NACC2: variants seen among roughly 807,000 people sequenced by gnomAD.
The protein encoded by NACC2 is nucleus accumbens-associated protein 2.
In NACC2, 8 loss-of-function variants were observed where a neutral mutation model predicts 25.1. That is an observed-to-expected ratio of 0.32 (90% CI 0.19 to 0.57). The LOEUF is 0.57. Ranked by LOEUF, NACC2 falls within the 20% of genes least tolerant of loss-of-function variation. NACC2 has a pLI of 0.89. For synonymous variants in NACC2, 435 were observed against 294.7 expected (o/e 1.48, Z -4.88); for missense variants, 644 against 650.2 (o/e 0.99, Z 0.10).
chr9:136,028,345 T>G (rs1050152951), intron 2 of NACC2, among the ~76,000 whole-genome samples: 3 of 151,900 alleles, frequency 2.0e-5, no homozygotes, highest in Non-Finnish European at 4.4e-5. Flanking sequence ...ACATGTACTT[T>G]CTGCCACTTG....
intron 2 of NACC2, among the ~76,000 whole-genome samples, chr9:136,024,470 G>A (rs187823542): frequency 7.9e-6 from 1 of 125,788 alleles, no homozygotes; most frequent in Non-Finnish European, 1.7e-5. Context: ...GAGGACAGAG[G>A]GTGCGTGTGA....
At position 136,019,932 on chromosome 9, in the gene NACC2, G is replaced by C. The variant is rs1355144116; in HGVS notation, c.887-3503C>G. Among the ~76,000 whole-genome samples, 1 of 151,452 alleles carries C rather than the reference G, an allele frequency of 6.6e-6. No homozygotes were observed. Among genetic ancestry groups the C allele is most frequent in the African/African-American group, 2.4e-5 (1 of 41,292 alleles). ...AAGGACACATCCCGGGGCTCCACTC[G>C]CAGGCGGCCCCCAGAGTCGTCAGGT... is the stretch of plus-strand genomic sequence containing the variant. On this transcript the variant is annotated intron_variant, in intron 2 of 5. Coordinates refer to ENST00000277554, the MANE Select transcript of NACC2 (RefSeq NM_144653.5). This position sits in a 1 kb window ranked among gnomAD's most constrained non-coding sequence, Gnocchi z 5.2.
rs1308738953 is a variant in NACC2 at position 136,084,727 on chromosome 9, G to GCA, written c.-60+10460_-60+10461dup. On this transcript the variant is annotated intron_variant, in intron 1 of 5. Transcript: ENST00000277554. This position sits in a 1 kb window ranked among gnomAD's most constrained non-coding sequence, Gnocchi z 5.1. Reference sequence around the variant, plus strand: ...ACAGTCAAAGGAAATGGCGGCGGGCGCACACACACACATACATCACGCAGC... The same window carrying GCA: ...ACAGTCAAAGGAAATGGCGGCGGGCGCACACACACACACATACATCACGCAGC... Among the ~76,000 whole-genome samples the GCA allele has an allele frequency of 2.0e-5, 3 of 152,156 alleles. No homozygotes were observed. Among genetic ancestry groups the GCA allele is most frequent in the Admixed American group, 6.5e-5 (1 of 15,276 alleles).
In NACC2 at chr9:136,018,447, G is replaced by A. The variant is rs1281189108; in HGVS notation, c.887-2018C>T. Among the ~76,000 whole-genome samples, 7 of 152,068 alleles carry A rather than the reference G, an allele frequency of 4.6e-5. No individual in the cohort carries two copies. The highest frequency in any genetic ancestry group is 8.8e-5 in the Non-Finnish European group (6 of 67,992). On this transcript the variant is annotated intron_variant, in intron 2 of 5. Transcript: ENST00000277554. This position sits in a 1 kb window ranked among gnomAD's most constrained non-coding sequence, Gnocchi z 4.4. ...AATCCACAGCGGGCGCCCCACTGAA[G>A]GCAGCAGGTGTTCCACTCCTGAGAA...
At chr9:136,081,077 C>T (rs1171312343) in intron 1 of NACC2, among the ~76,000 whole-genome samples, 3 of 152,082 alleles carry the variant, frequency 2.0e-5, no homozygotes, top group East Asian at 3.9e-4. Flanking sequence ...CGAACGGCTG[C>T]GGGGAGAAGA....
chr9:136,033,626 G>T (rs1368638056), intron 2 of NACC2, among the ~76,000 whole-genome samples: 2 of 145,266 alleles, frequency 1.4e-5, no homozygotes, highest in Non-Finnish European at 3.0e-5. Context: ...TCCAGCCCGG[G>T]GGACAGAGCA....
At chr9:136,094,255 G>A (rs1399128368) in intron 1 of NACC2, among the ~76,000 whole-genome samples, 1 of 152,170 alleles carries the variant, frequency 6.6e-6, no homozygotes, top group Non-Finnish European at 1.5e-5. Context: ...GGGGGTTGGG[G>A]GAGGGAGTGG....
rs1182833926 is a variant in NACC2 at position 136,062,117 on chromosome 9, CAGGACA to C, written c.-59-11543_-59-11538del. Among the ~76,000 whole-genome samples the C allele has an allele frequency of 4.6e-4, 6 of 12,912 alleles. No homozygotes were observed. The Admixed American group carries it at 6.5e-3, about 14-fold the overall frequency. The allele number at this position is 12,912 out of a possible 152,430, so 8.5% of individuals were successfully genotyped here. A position where few individuals can be genotyped will look rare whatever the true frequency, so the allele number is the denominator to read the frequency against. ...CTCCAGCCTGGGCAACAGAGCGAGA[CAGGACA>C]GGACAGGACAGGACAGGACAGGACA... On this transcript the variant is annotated intron_variant, in intron 1 of 5. Transcript: ENST00000277554.
At chr9:136,057,559 T>G (rs190148203) in intron 1 of NACC2, among the ~76,000 whole-genome samples, 3 of 152,348 alleles carry the variant, frequency 2.0e-5, no homozygotes, top group Admixed American at 6.5e-5. Context: ...CTCACCCATA[T>G]TTGTAATTTA....
intron 1 of NACC2, among the ~76,000 whole-genome samples, chr9:136,066,871 A>C (rs1020520247): frequency 1.3e-5 from 2 of 152,186 alleles, no homozygotes; most frequent in Non-Finnish European, 2.9e-5. Context: ...TGTGAAAAAA[A>C]ATGCTGGTCA....
In NACC2 at chr9:136,084,774, C is replaced by T. The variant is rs1352961100; in HGVS notation, c.-60+10415G>A. 6.6e-6 allele frequency among the ~76,000 whole-genome samples: 1 copy of T among 152,234 alleles called. No individual in the cohort carries two copies. Among genetic ancestry groups the T allele is most frequent in the African/African-American group, 2.4e-5 (1 of 41,464 alleles). On this transcript the variant is annotated intron_variant, in intron 1 of 5. Transcript: ENST00000277554. This position sits in a 1 kb window ranked among gnomAD's most constrained non-coding sequence, Gnocchi z 5.1. ...CAGCCTGGAGAAGGGACGGGCTCCG[C>T]CACTCCCTGCAACCCGGAGGAGCCG... is the stretch of plus-strand genomic sequence containing the variant.
intron 1 of NACC2, among the ~76,000 whole-genome samples, chr9:136,094,711 G>A (rs905185960): frequency 2.6e-5 from 4 of 151,718 alleles, no homozygotes; most frequent in African/African-American, 9.7e-5. Context: ...GCTGGGCCAG[G>A]CAGCTGCGCA....
At chr9:136,052,769 T>A (rs1055923656) in intron 1 of NACC2, among the ~76,000 whole-genome samples, 10 of 152,306 alleles carry the variant, frequency 6.6e-5, no homozygotes, top group African/African-American at 2.2e-4. Context: ...TCCCGCACAC[T>A]CCTGGCTGCG....
Position 136,024,349 on chromosome 9 carries a change from GTGTGTGTGTGTGAGGACAGAA to G in NACC2, c.887-7941_887-7921del, listed in dbSNP as rs1428939590. ...CAGAGTGTGTGTGTGTGAGGACAGA[GTGTGTGTGTGTGAGGACAGAA>G]GGTGTGTGTGTGAGGACAGAGGGTG... On this transcript the variant is annotated intron_variant, in intron 2 of 5. Coordinates refer to ENST00000277554, the MANE Select transcript of NACC2 (RefSeq NM_144653.5). Among the ~76,000 whole-genome samples the G allele has an allele frequency of 7.3e-3, 1,060 of 145,528 alleles. 47 individuals are homozygous for G. The highest frequency in any genetic ancestry group is 0.012 in the African/African-American group (446 of 38,620).
At chr9:136,014,044 A>AGGG in intron 3 of NACC2, 75 bp from the exon 4 acceptor site, 1 of 181,316 alleles carries the variant, frequency 5.5e-6, no homozygotes. Context: ...CAGATGGGTG[A>AGGG]GGGGGAGGGG....
intron 1 of NACC2, among the ~76,000 whole-genome samples, chr9:136,065,398 T>A (rs1360749328): frequency 6.6e-6 from 1 of 152,194 alleles, no homozygotes; most frequent in Non-Finnish European, 1.5e-5. Context: ...GGCGGGCAGA[T>A]CACTTGAGGT....
At chr9:136,037,253 TCTCA>T (rs2131151758) in intron 2 of NACC2, among the ~76,000 whole-genome samples, 1 of 152,190 alleles carries the variant, frequency 6.6e-6, no homozygotes, top group Non-Finnish European at 1.5e-5. Context: ...TGAGATGGAA[TCTCA>T]CTCTTGCCCA....
intron 1 of NACC2, among the ~76,000 whole-genome samples, chr9:136,063,895 A>C (rs1005114198): frequency 2.6e-5 from 4 of 151,710 alleles, no homozygotes; most frequent in Non-Finnish European, 2.9e-5. Context: ...AAAAAAAAAA[A>C]AACAAAAAAA....
rs4842092 is a variant in NACC2, at chr9:136,055,860, A to G, written c.-59-5280T>C. On this transcript the variant is annotated intron_variant, in intron 1 of 5. Coordinates refer to ENST00000277554, the MANE Select transcript of NACC2 (RefSeq NM_144653.5). This position sits in a 1 kb window ranked among gnomAD's most constrained non-coding sequence, Gnocchi z 4.9. ...AGTTAGTTAAGTGAGGACATCTCCT[A>G]AAAGGTCAATCGAAGGCGCTCCTGG... Among the ~76,000 whole-genome samples the G allele has an allele frequency of 0.34, 51,540 of 151,900 alleles. 9,146 individuals carry two copies. Among genetic ancestry groups the G allele is most frequent in the South Asian group, 0.53 (2,559 of 4,818 alleles).
Sources: gnomAD v4.1 joint callset for allele counts (sites outside exome capture counted in the v4.1 genomes callset) on GRCh38, gnomAD v4.1.1 for gene constraint, Gnocchi (gnomAD v3.1) non-coding constraint, MANE v1.5 for transcripts, NCBI Gene and HGNC (gene_info 2026-07-23, HGNC 2026-07-21) for gene names.